PBX1: variants seen among roughly 807,000 people sequenced by gnomAD.
The protein encoded by PBX1 is PBX homeobox 1, also known as pre-B-cell leukemia transcription factor 1.
PBX1 carries 6 observed loss-of-function variants against 53.4 expected under a neutral mutation model. The observed-to-expected ratio is 0.11, with a 90% CI of 0.06 to 0.22. The LOEUF is 0.22. Among genes scored for constraint, PBX1 ranks in the 10% least tolerant of loss-of-function variants. PBX1 has a pLI of 1.00. For missense variants in PBX1, 251 were observed against 551.4 expected (o/e 0.46, Z 5.46); for synonymous variants, 204 against 212.3 (o/e 0.96, Z 0.34).
intron 2 of PBX1, chr1:164,684,826 A>C (rs1662006305): frequency 6.6e-6 from 1 of 152,184 alleles, no homozygotes; most frequent in Admixed American, 6.5e-5. Flanking sequence ...TCCCCTCCCG[A>C]TATATTTACA....
chr1:164,721,304 A>G (rs1204737754), intron 2 of PBX1, among the ~76,000 whole-genome samples: 1 of 152,036 alleles, frequency 6.6e-6, no homozygotes, highest in Non-Finnish European at 1.5e-5. Context: ...TGACTGCTGC[A>G]TATGAACCTG....
At chr1:164,574,787 G>GC (rs1654107109) in intron 2 of PBX1, among the ~76,000 whole-genome samples, 1 of 152,116 alleles carries the variant, frequency 6.6e-6, no homozygotes, top group Non-Finnish European at 1.5e-5. Context: ...TTCGAGACCA[G>GC]CCTGGCCAAC....
At chr1:164,741,271 C>G (rs1350586628) in intron 2 of PBX1, among the ~76,000 whole-genome samples, 4 of 152,198 alleles carry the variant, frequency 2.6e-5, no homozygotes, top group African/African-American at 9.6e-5. Context: ...GAAGAGATCT[C>G]TGGACTCATA....
intron 2 of PBX1, among the ~76,000 whole-genome samples, chr1:164,872,711 A>G (rs890541287): frequency 1.3e-5 from 2 of 152,144 alleles, no homozygotes; most frequent in African/African-American, 4.8e-5. Flanking sequence ...GGAGTCATAT[A>G]ATGCTCCCAA....
intron 2 of PBX1, among the ~76,000 whole-genome samples, chr1:164,735,891 AT>A (rs1665239962): frequency 6.6e-6 from 1 of 152,202 alleles, no homozygotes; most frequent in African/African-American, 2.4e-5. Context: ...GAGGCATGTG[AT>A]TCAAGCCATA....
chr1:164,618,508 G>A (rs1003276646), intron 2 of PBX1, among the ~76,000 whole-genome samples: 4 of 152,138 alleles, frequency 2.6e-5, no homozygotes, highest in Non-Finnish European at 5.9e-5. Context: ...ATGAAAGAGT[G>A]GAAGATAAAT....
intron 2 of PBX1, among the ~76,000 whole-genome samples, chr1:164,681,501 C>G (rs1017999547): frequency 6.6e-6 from 1 of 152,200 alleles, no homozygotes; most frequent in African/African-American, 2.4e-5. Context: ...ATAGCCTCCT[C>G]TTAGAGATAC....
intron 8 of PBX1, among the ~76,000 whole-genome samples, chr1:164,836,098 A>G (rs1272245556): frequency 2.0e-5 from 3 of 152,182 alleles, no homozygotes; most frequent in Non-Finnish European, 4.4e-5. Context: ...TACATCTATT[A>G]AAAAAGCTTT....
intron 2 of PBX1, chr1:164,770,979 T>C (rs533162731): frequency 2.0e-5 from 3 of 152,176 alleles, no homozygotes; most frequent in South Asian, 4.2e-4. Context: ...CCAGCTTTCA[T>C]AGGATGGGTA....
intron 2 of PBX1, among the ~76,000 whole-genome samples, chr1:164,729,451 G>T (rs1211409366): frequency 1.3e-5 from 2 of 151,894 alleles, no homozygotes; most frequent in Non-Finnish European, 2.9e-5. Context: ...TTTTAATATG[G>T]ATATCAAGAT....
intron 2 of PBX1, among the ~76,000 whole-genome samples, chr1:164,739,012 G>A (rs1009643392): frequency 4.6e-5 from 7 of 152,016 alleles, no homozygotes; most frequent in Non-Finnish European, 1.0e-4. Context: ...TGGTGTGATG[G>A]CTTATTTCAT....
intron 2 of PBX1, among the ~76,000 whole-genome samples, chr1:164,772,053 G>T (rs1667402437): frequency 6.6e-6 from 1 of 152,192 alleles, no homozygotes; most frequent in Admixed American, 6.5e-5. Context: ...GCTGTCCTTT[G>T]TCTGTTCATC....
intron 2 of PBX1, among the ~76,000 whole-genome samples, chr1:164,673,465 CTTTTT>C (rs1171916726): frequency 4.6e-5 from 5 of 109,402 alleles, no homozygotes; most frequent in Admixed American, 9.9e-5. Context: ...AAATTACTAA[CTTTTT>C]TTTTTTTTTT....
intron 2 of PBX1, among the ~76,000 whole-genome samples, chr1:164,761,453 T>G (rs1174157812): frequency 1.3e-5 from 2 of 152,012 alleles, no homozygotes; most frequent in Non-Finnish European, 2.9e-5. Flanking sequence ...CATTATTCTT[T>G]TTTTTTTTTG....
In PBX1 at chr1:164,792,615, G is replaced by A. The variant is rs761524674; in HGVS notation, c.387G>A (p.Ala129=). 6 of 1,613,378 alleles carry A rather than the reference G, an allele frequency of 3.7e-6. 1 individual carries two copies. Among genetic ancestry groups the A allele is most frequent in the South Asian group, 1.1e-5 (1 of 91,046 alleles). Residue 129 remains alanine, a synonymous_variant, in exon 3 of 9, where the codon GCG becomes GCA. Coordinates refer to ENST00000420696, the MANE Select transcript of PBX1 (RefSeq NM_002585.4). ...GPEKGGGSAA[A]AAAAAASGGA... ...AGAAGGGCGGAGGGTCGGCGGCAGCGGCGGCAGCGGCGGCGGCTTCTGGAG... is the reference window on the plus strand; with the variant it reads ...AGAAGGGCGGAGGGTCGGCGGCAGCAGCGGCAGCGGCGGCGGCTTCTGGAG...
At chr1:164,572,380 A>G (rs948118942) in intron 2 of PBX1, among the ~76,000 whole-genome samples, 1 of 152,194 alleles carries the variant, frequency 6.6e-6, no homozygotes, top group Non-Finnish European at 1.5e-5. Context: ...TCAATACACT[A>G]AGAAAAAAAG....
At chr1:164,739,413 C>A (rs1005552190) in intron 2 of PBX1, among the ~76,000 whole-genome samples, 12 of 152,158 alleles carry the variant, frequency 7.9e-5, no homozygotes, top group African/African-American at 2.9e-4. Flanking sequence ...TTCTCTCTCA[C>A]AGCTTGTGGT....
rs77579074 is a variant in PBX1 at position 164,565,901 on chromosome 1, C to T, written c.265+2590C>T. Among the ~76,000 whole-genome samples, 6 of 152,000 alleles carry T rather than the reference C, an allele frequency of 3.9e-5. No homozygotes were observed. The East Asian group carries it at 9.7e-4, about 24-fold the overall frequency. On this transcript the variant is annotated intron_variant, in intron 2 of 8. Coordinates refer to ENST00000420696, the MANE Select transcript of PBX1 (RefSeq NM_002585.4). ...CATTAAATGAGTATTTTTGAGTTTC[C>T]ATCTCAAGCATTATAATGCTTATAA... is the stretch of plus-strand genomic sequence containing the variant.
rs539633399 is a variant in PBX1 at position 164,615,593 on chromosome 1, AG to A, written c.265+52283del. ...TTTTGTAATCAATTTGTTTTTATCTAGCTTTATTAACAGCCAGCCGCCGCAC... is the reference window on the plus strand; with the variant it reads ...TTTTGTAATCAATTTGTTTTTATCTACTTTATTAACAGCCAGCCGCCGCAC... On this transcript the variant is annotated intron_variant, in intron 2 of 8. Coordinates refer to ENST00000420696, the MANE Select transcript of PBX1 (RefSeq NM_002585.4). Among the ~76,000 whole-genome samples, 3 of 152,294 alleles carry A rather than the reference AG, an allele frequency of 2.0e-5. No homozygotes were observed. In the South Asian group the frequency reaches 6.2e-4, roughly 32 times the overall value.
Sources: gnomAD v4.1 joint callset for allele counts (sites outside exome capture counted in the v4.1 genomes callset) on GRCh38, gnomAD v4.1.1 for gene constraint, MANE v1.5 for transcripts, NCBI Gene and HGNC (gene_info 2026-07-23, HGNC 2026-07-21) for gene names.